Variants in RASSF4 observed in about 807,000 individuals in gnomAD.
RASSF4 encodes Ras association domain family member 4.
A neutral mutation model predicts 41.1 loss-of-function variants in RASSF4; 38 were observed. The ratio of observed to expected loss-of-function variants is 0.92; its 90% confidence interval spans 0.71 to 1.21. RASSF4 has a LOEUF of 1.21. Among genes scored for constraint, RASSF4 ranks in the 50% most tolerant of loss-of-function variants. The pLI is 0.00. For missense variants in RASSF4, 414 were observed against 419.4 expected (o/e 0.99, Z 0.11); for synonymous variants, 179 against 163.4 (o/e 1.10, Z -0.73).
At chr10:44,977,195 G>A (rs1215369860) in intron 3 of RASSF4, 4 of 638,958 alleles carry the variant, frequency 6.3e-6, no homozygotes, top group Non-Finnish European at 1.0e-5. Flanking sequence ...GAACGGGATT[G>A]GTAACATCTC....
rs1647426102 is a variant in RASSF4 at position 44,995,812 on chromosome 10, A to G, written c.*2483A>G. 1 of 152,120 alleles carries G rather than the reference A, an allele frequency of 6.6e-6. No individual in the cohort carries two copies. The highest frequency in any genetic ancestry group is 2.4e-5 in the African/African-American group (1 of 41,424). The allele number at this position is 152,120 out of a possible 1,614,324, so 9.4% of individuals were successfully genotyped here. A position where few individuals can be genotyped will look rare whatever the true frequency, so the allele number is the denominator to read the frequency against. ...TGGGGAGCTCCCGCTTTCTTTCTAC[A>G]TAGAGCTTAGGGTATTTCTCATATG... is the stretch of plus-strand genomic sequence containing the variant. On this transcript the variant is annotated 3_prime_UTR_variant, in exon 11 of 11. Transcript: ENST00000340258.
At chr10:44,967,697 C>T (rs956408160) in intron 1 of RASSF4, among the ~76,000 whole-genome samples, 3 of 152,182 alleles carry the variant, frequency 2.0e-5, no homozygotes, top group African/African-American at 7.2e-5. Flanking sequence ...AATTTAACAA[C>T]CATGTATGGA....
chr10:44,980,530 T>A (rs950594493), intron 3 of RASSF4, among the ~76,000 whole-genome samples: 4 of 152,108 alleles, frequency 2.6e-5, no homozygotes, highest in African/African-American at 9.7e-5. Context: ...AGCCAGCCTG[T>A]CCCCAGTACA....
chr10:44,971,999 T>A (rs882845), intron 3 of RASSF4, 151 bp downstream of exon 3: 342,642 of 602,498 alleles, frequency 0.57, 103,039 homozygotes, highest in Non-Finnish European at 0.64. Flanking sequence ...CTCTCATCAC[T>A]CACCTCTGAC....
chr10:44,961,386 T>C (rs778600469), intron 1 of RASSF4, among the ~76,000 whole-genome samples: 6 of 152,116 alleles, frequency 3.9e-5, no homozygotes, highest in Non-Finnish European at 8.8e-5. Flanking sequence ...GAACGAAACT[T>C]GGGTGTGTGT....
At chr10:44,989,790 C>T in intron 8 of RASSF4, 69 bp downstream of exon 8, 1 of 1,355,826 alleles carries the variant, frequency 7.4e-7, no homozygotes, top group South Asian at 1.2e-5. Context: ...GCCCCCTCCC[C>T]ACCAACCACT....
At chr10:44,985,013 C>T (rs761853027) in intron 6 of RASSF4, 43 bp downstream of exon 6, 3 of 1,579,322 alleles carry the variant, frequency 1.9e-6, no homozygotes, top group Non-Finnish European at 2.6e-6. Flanking sequence ...CATGGGGAGC[C>T]AGGCCTGAGC....
chr10:44,991,860 T>A, intron 9 of RASSF4, 45 bp from the exon 10 acceptor site: 1 of 1,324,642 alleles, frequency 7.5e-7, no homozygotes, highest in Non-Finnish European at 1.1e-6. Context: ...AACATACTTT[T>A]GGCTTCGAAT....
chr10:44,982,466 A>T (rs768129903), intron 3 of RASSF4, 55 bp from the exon 4 acceptor site: 114 of 1,589,682 alleles, frequency 7.2e-5, no homozygotes, highest in Admixed American at 1.0e-4. Context: ...CCTAGGGGGC[A>T]CAGGGAAGGT....
rs1842240369 is a variant in RASSF4 at position 44,994,861 on chromosome 10, GACTCC to G, written c.*1533_*1537del. Reference sequence around the variant, plus strand: ...AACTCGCTGCTCTAGGAGCCGACATGACTCCTTCATTTCTGTGCATGCCCTGGGGA... The same window carrying G: ...AACTCGCTGCTCTAGGAGCCGACATGTTCATTTCTGTGCATGCCCTGGGGA... On this transcript the variant is annotated 3_prime_UTR_variant, in exon 11 of 11. Transcript: ENST00000340258. 4 of 151,976 alleles carry G rather than the reference GACTCC, an allele frequency of 2.6e-5. No homozygotes were observed. Among genetic ancestry groups the G allele is most frequent in the African/African-American group, 9.7e-5 (4 of 41,340 alleles). The allele number at this position is 151,976 out of a possible 1,614,324, so 9.4% of individuals were successfully genotyped here. A position where few individuals can be genotyped will look rare whatever the true frequency, so the allele number is the denominator to read the frequency against.
At chr10:44,970,136 T>G in intron 1 of RASSF4, 29 bp from the exon 2 acceptor site, 1 of 1,409,292 alleles carries the variant, frequency 7.1e-7, no homozygotes, top group Non-Finnish European at 1.0e-6. Context: ...CTGGCTCACC[T>G]GTCTGTCCAC....
intron 3 of RASSF4, among the ~76,000 whole-genome samples, chr10:44,975,346 T>C (rs1404406138): frequency 6.6e-6 from 1 of 151,998 alleles, no homozygotes; most frequent in Non-Finnish European, 1.5e-5. Context: ...ATCTGTTTTC[T>C]GGGAGCCGCA....
Position 44,984,086 on chromosome 10 carries a change from A to G in RASSF4, c.346A>G (p.Lys116Glu), listed in dbSNP as rs1841824990. 1 of 1,605,652 alleles carries G rather than the reference A, an allele frequency of 6.2e-7. No homozygotes were observed. The highest frequency in any genetic ancestry group is 8.5e-7 in the Non-Finnish European group (1 of 1,176,344). Reference sequence around the variant, plus strand: ...GGGGCCAAGCATTCAGCCAGTGCACAAGGCTGAGAGTTCCACAGACAGCTC... The same window carrying G: ...GGGGCCAAGCATTCAGCCAGTGCACGAGGCTGAGAGTTCCACAGACAGCTC... ...AQGPSIQPVH[K>E]AESSTDSSGP... is the part of the protein sequence containing the mutation. The change falls in exon 5 of 11, where the codon AAG (lysine) becomes GAG (glutamate). Residue 116 changes from lysine to glutamate, a missense_variant. Lys to Glu is a moderately conservative substitution (Grantham distance 56). Coordinates refer to ENST00000340258, the MANE Select transcript of RASSF4 (RefSeq NM_032023.4).
chr10:44,986,048 A>G (rs1335882669), intron 6 of RASSF4, among the ~76,000 whole-genome samples: 1 of 152,214 alleles, frequency 6.6e-6, no homozygotes. Context: ...AAAGGGGTTT[A>G]GTGTGTAATG....
At chr10:44,961,384 C>G (rs1840703330) in intron 1 of RASSF4, among the ~76,000 whole-genome samples, 1 of 152,210 alleles carries the variant, frequency 6.6e-6, no homozygotes, top group Non-Finnish European at 1.5e-5. Flanking sequence ...ATGAACGAAA[C>G]TTGGGTGTGT....
intron 9 of RASSF4, chr10:44,991,481 T>A (rs1379420175): frequency 1.5e-5 from 3 of 197,958 alleles, no homozygotes; most frequent in Non-Finnish European, 3.1e-5. Flanking sequence ...AGTGAGTGCA[T>A]TTCCAAACTC....
chr10:44,971,325 C>G, intron 2 of RASSF4: 1 of 363,508 alleles, frequency 2.8e-6, no homozygotes, highest in South Asian at 2.0e-5. Flanking sequence ...GGGGAAGAAG[C>G]AGGCACCCCT....
intron 1 of RASSF4, among the ~76,000 whole-genome samples, chr10:44,961,362 A>G: frequency 6.6e-6 from 1 of 152,370 alleles, no homozygotes; most frequent in East Asian, 1.9e-4. Flanking sequence ...ACCATGACAG[A>G]TAACAAAGAA....
chr10:44,961,206 C>T (rs1564447544), intron 1 of RASSF4, among the ~76,000 whole-genome samples: 2 of 152,166 alleles, frequency 1.3e-5, no homozygotes, highest in Non-Finnish European at 2.9e-5. Context: ...GGTGATTTGA[C>T]AACAAAAAGG....
Sources: allele counts gnomAD v4.1 joint callset (sites outside exome capture counted in the v4.1 genomes callset), GRCh38; gene constraint gnomAD v4.1.1; transcripts MANE v1.5; gene names NCBI Gene and HGNC (gene_info 2026-07-23, HGNC 2026-07-21).